Variants in NAALADL2 observed in about 807,000 individuals in gnomAD.
The protein encoded by NAALADL2 is inactive N-acetylated-alpha-linked acidic dipeptidase-like protein 2.
NAALADL2 carries 76 observed loss-of-function variants against 87.2 expected under a neutral mutation model. The ratio of observed to expected loss-of-function variants is 0.87; its 90% CI spans 0.72 to 1.05. The LOEUF (loss-of-function observed/expected upper bound fraction) is 1.05. Among genes scored for constraint, NAALADL2 ranks in the 50% least tolerant of loss-of-function variants. The pLI is 0.00. For missense variants in NAALADL2, 1,089 were observed against 945.8 expected (o/e 1.15, Z -1.99); for synonymous variants, 354 against 331.0 (o/e 1.07, Z -0.75).
At chr3:175,083,672 T>A (rs1003046034) in intron 1 of NAALADL2, among the ~76,000 whole-genome samples, 1 of 152,134 alleles carries the variant, frequency 6.6e-6, no homozygotes, top group Non-Finnish European at 1.5e-5. Context: ...GTTTATCAAA[T>A]GCCTTTAATT....
intron 3 of NAALADL2, among the ~76,000 whole-genome samples, chr3:174,785,355 C>T (rs868074774): frequency 2.0e-4 from 30 of 152,232 alleles, no homozygotes; most frequent in African/African-American, 6.3e-4. Flanking sequence ...TTTCATTCTG[C>T]GTATACCTAG....
chr3:175,741,862 T>C (rs1169018127), intron 12 of NAALADL2, among the ~76,000 whole-genome samples: 1 of 152,176 alleles, frequency 6.6e-6, no homozygotes, highest in African/African-American at 2.4e-5. Flanking sequence ...TTAGAAAGTT[T>C]ATTTTGCCAA....
chr3:174,623,064 G>C (rs546111701), intron 2 of NAALADL2, among the ~76,000 whole-genome samples: 3 of 152,150 alleles, frequency 2.0e-5, no homozygotes, highest in South Asian at 2.1e-4. Context: ...GGACTCATCT[G>C]TCTGAAATGG....
chr3:174,990,759 G>A (rs1484810928), intron 1 of NAALADL2, among the ~76,000 whole-genome samples: 1 of 152,046 alleles, frequency 6.6e-6, no homozygotes, highest in Non-Finnish European at 1.5e-5. Context: ...GAATCACTTG[G>A]GGAGCTTTTA....
intron 5 of NAALADL2, among the ~76,000 whole-genome samples, chr3:175,344,112 A>T (rs1762885877): frequency 6.6e-6 from 1 of 152,086 alleles, no homozygotes; most frequent in Admixed American, 6.6e-5. Flanking sequence ...GCTTTTATAA[A>T]ATCCAGAAGA....
chr3:174,770,296 G>A (rs976404797), intron 3 of NAALADL2, among the ~76,000 whole-genome samples: 3 of 152,286 alleles, frequency 2.0e-5, no homozygotes, highest in Admixed American at 2.0e-4. Context: ...TGACAAAAGT[G>A]ATATGTAACC....
At chr3:175,047,034 G>A (rs1230015339) in intron 1 of NAALADL2, among the ~76,000 whole-genome samples, 1 of 152,154 alleles carries the variant, frequency 6.6e-6, no homozygotes, top group Non-Finnish European at 1.5e-5. Context: ...TGTGTCCTCA[G>A]ATGGTGGAAG....
intron 2 of NAALADL2, among the ~76,000 whole-genome samples, chr3:174,597,270 C>T (rs765099071): frequency 2.0e-5 from 3 of 152,108 alleles, no homozygotes; most frequent in Non-Finnish European, 2.9e-5. Context: ...TAGGGAAGCT[C>T]GTTAGAGATT....
intron 2 of NAALADL2, among the ~76,000 whole-genome samples, chr3:174,686,702 T>A (rs534980093): frequency 2.6e-5 from 4 of 152,162 alleles, no homozygotes; most frequent in Non-Finnish European, 5.9e-5. Flanking sequence ...AAGAATTATC[T>A]ATTCAATAAA....
intron 5 of NAALADL2, among the ~76,000 whole-genome samples, chr3:175,373,643 T>A (rs554293897): frequency 8.5e-5 from 13 of 152,340 alleles, no homozygotes; most frequent in Admixed American, 2.6e-4. Flanking sequence ...CAAGCCTTTT[T>A]GTAAACATAG....
chr3:174,608,161 A>C (rs1719337102), intron 2 of NAALADL2, among the ~76,000 whole-genome samples: 1 of 151,898 alleles, frequency 6.6e-6, no homozygotes, highest in African/African-American at 2.4e-5. Context: ...GGACACATTC[A>C]AAGCAGTGTG....
intron 1 of NAALADL2, among the ~76,000 whole-genome samples, chr3:174,458,852 C>T (rs1716024592): frequency 6.6e-6 from 1 of 152,216 alleles, no homozygotes; most frequent in Admixed American, 6.5e-5. Flanking sequence ...ACTATAGCCT[C>T]ATCTCCTGTC....
chr3:175,743,784 A>G (rs931818766), intron 12 of NAALADL2, among the ~76,000 whole-genome samples: 3 of 152,232 alleles, frequency 2.0e-5, no homozygotes, highest in African/African-American at 7.2e-5. Flanking sequence ...GAGATCATAG[A>G]AAGAGTGCAG....
chr3:175,574,899 T>C (rs1321691443), intron 9 of NAALADL2, among the ~76,000 whole-genome samples: 2 of 148,662 alleles, frequency 1.3e-5, no homozygotes. Flanking sequence ...CTTGATGTTC[T>C]TATACTTATT....
At chr3:174,454,116 G>C (rs1282644252) in intron 1 of NAALADL2, among the ~76,000 whole-genome samples, 4 of 152,032 alleles carry the variant, frequency 2.6e-5, no homozygotes, top group African/African-American at 9.7e-5. Context: ...TTAGACAAAA[G>C]ACTATAAGCC....
intron 2 of NAALADL2, among the ~76,000 whole-genome samples, chr3:175,171,687 G>C (rs185115484): frequency 9.9e-5 from 15 of 152,076 alleles, no homozygotes; most frequent in African/African-American, 3.1e-4. Flanking sequence ...CAGAAGAACA[G>C]GTGAAATGTA....
At chr3:175,698,385 A>G (rs1229839909) in intron 11 of NAALADL2, among the ~76,000 whole-genome samples, 2 of 99,756 alleles carry the variant, frequency 2.0e-5, no homozygotes, top group African/African-American at 9.9e-5. Context: ...GTATTTATGT[A>G]TGTATACATA....
intron 3 of NAALADL2, among the ~76,000 whole-genome samples, chr3:174,745,564 G>A (rs1734174129): frequency 6.6e-6 from 1 of 152,104 alleles, no homozygotes; most frequent in Admixed American, 6.5e-5. Flanking sequence ...TTGAATATTG[G>A]GGACTTCTCC....
At chr3:174,903,395 T>G (rs1732539074) in intron 1 of NAALADL2, among the ~76,000 whole-genome samples, 2 of 152,060 alleles carry the variant, frequency 1.3e-5, no homozygotes, top group Non-Finnish European at 2.9e-5. Flanking sequence ...TGCTAGTGTT[T>G]TAGCTTACTC....
Sources: gnomAD v4.1 joint callset for allele counts (sites outside exome capture counted in the v4.1 genomes callset) on GRCh38, gnomAD v4.1.1 for gene constraint, MANE v1.5 for transcripts, NCBI Gene and HGNC (gene_info 2026-07-23, HGNC 2026-07-21) for gene names.